Variants in C1orf21 observed in about 807,000 individuals in gnomAD.
C1orf21 encodes the protein chromosome 1 open reading frame 21, also known as uncharacterized protein C1orf21.
In C1orf21, 3 loss-of-function variants were observed where a neutral mutation model predicts 18.7. The ratio of observed to expected loss-of-function variants is 0.16; its 90% confidence interval spans 0.07 to 0.42. C1orf21 has a LOEUF of 0.42. Among genes scored for constraint, C1orf21 ranks in the 10% least tolerant of loss-of-function variants. The pLI, the probability that C1orf21 is intolerant of heterozygous loss-of-function variation, is 0.99. For missense variants in C1orf21, 104 were observed against 143.6 expected, an observed-to-expected ratio of 0.72 and a Z score of 1.41; for synonymous variants, 41 against 46.4, an observed-to-expected ratio of 0.88 and a Z score of 0.47.
chr1:184,423,883 A>ATCCT lies in C1orf21; in HGVS notation c.-125+36518_-125+36519insTTCC, dbSNP rs796890839. ...CGTCCATCCATCCATCCATCCATCC[A>ATCCT]TCCATCCATCCATCCATCAATCTAT... On this transcript the variant is annotated intron_variant, in intron 1 of 5. Transcript: ENST00000235307. Among the ~76,000 whole-genome samples the ATCCT allele has an allele frequency of 2.1e-3, 316 of 151,652 alleles. 2 individuals carry two copies. The highest frequency in any genetic ancestry group is 7.4e-3 in the African/African-American group (304 of 41,318).
intron 1 of C1orf21, among the ~76,000 whole-genome samples, chr1:184,423,018 T>G (rs1571350857): frequency 1.3e-5 from 2 of 152,352 alleles, no homozygotes; most frequent in South Asian, 4.1e-4. Context: ...GCATTATGTC[T>G]TGTGTAAACT....
chr1:184,569,645 C>T (rs896854510), intron 3 of C1orf21, among the ~76,000 whole-genome samples: 34 of 152,230 alleles, frequency 2.2e-4, no homozygotes, highest in African/African-American at 7.5e-4. Flanking sequence ...TCACCTGAGG[C>T]CAGGAGTTCG....
At chr1:184,610,383 T>C (rs905523836) in intron 5 of C1orf21, among the ~76,000 whole-genome samples, 2 of 152,166 alleles carry the variant, frequency 1.3e-5, no homozygotes, top group African/African-American at 4.8e-5. Context: ...CCAGAGGAAG[T>C]TTGCCAAGGC....
At chr1:184,466,553 A>T (rs1657401364) in intron 1 of C1orf21, among the ~76,000 whole-genome samples, 1 of 152,204 alleles carries the variant, frequency 6.6e-6, no homozygotes. Context: ...ATGAGAACTG[A>T]GGTGCCTTTT....
chr1:184,420,327 G>T (rs943133637), intron 1 of C1orf21, among the ~76,000 whole-genome samples: 1 of 152,080 alleles, frequency 6.6e-6, no homozygotes, highest in Non-Finnish European at 1.5e-5. Context: ...CCACATGGCT[G>T]TGTGTTTTTA....
At chr1:184,460,680 TTCTTCTTTC>T (rs1657293677) in intron 1 of C1orf21, among the ~76,000 whole-genome samples, 1 of 109,668 alleles carries the variant, frequency 9.1e-6, no homozygotes, top group South Asian at 3.4e-4. Context: ...CTTCTTCTTC[TTCTTCTTTC>T]TTCTTTCTTT....
In C1orf21 at chr1:184,449,190, C is replaced by A. The variant is rs945157220; in HGVS notation, c.-124-28196C>A. On this transcript the variant is annotated intron_variant, in intron 1 of 5. Coordinates refer to ENST00000235307, the MANE Select transcript of C1orf21 (RefSeq NM_030806.4). ...CATTAGGTGTATCTCCTAATGCTAT[C>A]CCTCCCCCTTCCCCCCACCCTACAA... 4.6e-5 allele frequency among the ~76,000 whole-genome samples: 7 copies of A among 151,366 alleles called. No homozygotes were observed. The East Asian group carries it at 1.4e-3, about 30-fold the overall frequency.
chr1:184,543,404 A>C (rs1658686621), intron 3 of C1orf21, among the ~76,000 whole-genome samples: 1 of 152,162 alleles, frequency 6.6e-6, no homozygotes, highest in African/African-American at 2.4e-5. Context: ...GTAATAATTA[A>C]ATTATATTGT....
intron 1 of C1orf21, among the ~76,000 whole-genome samples, chr1:184,436,570 G>GA (rs565695695): frequency 1.7e-3 from 250 of 151,148 alleles, no homozygotes; most frequent in Middle Eastern, 0.014. Flanking sequence ...CCCTAAAGGA[G>GA]AAAAAAAAAT....
At chr1:184,546,141 A>G in intron 3 of C1orf21, 1 of 152,242 alleles carries the variant, frequency 6.6e-6, no homozygotes, top group East Asian at 1.9e-4. Context: ...CTTCATAAAC[A>G]TGGATTTAGC....
intron 3 of C1orf21, among the ~76,000 whole-genome samples, chr1:184,565,873 T>C (rs1266434161): frequency 6.6e-6 from 1 of 152,242 alleles, no homozygotes; most frequent in African/African-American, 2.4e-5. Flanking sequence ...TATTTATAAA[T>C]CTACAAGTAA....
rs58174774 is a variant in C1orf21 at position 184,548,214 on chromosome 1, A to AACACACACAC, written c.189+40565_189+40574dup. On this transcript the variant is annotated intron_variant, in intron 3 of 5. Coordinates refer to ENST00000235307, the MANE Select transcript of C1orf21 (RefSeq NM_030806.4). ...ATAGTAATCCATATCTCAAATCCCC[A>AACACACACAC]ACACACACACACACACACACACACA... 4.9e-3 allele frequency among the ~76,000 whole-genome samples: 682 copies of AACACACACAC among 140,004 alleles called. 10 individuals are homozygous for AACACACACAC. Among genetic ancestry groups the AACACACACAC allele is most frequent in the African/African-American group, 0.016 (590 of 37,500 alleles). 91.8% of individuals were successfully genotyped at this position (140,004 alleles called of 152,430 possible).
chr1:184,611,881 G>A (rs1659741089), intron 5 of C1orf21, among the ~76,000 whole-genome samples: 1 of 152,130 alleles, frequency 6.6e-6, no homozygotes, highest in Non-Finnish European at 1.5e-5. Flanking sequence ...GGAGGATGTG[G>A]AGTAAAAAAC....
At chr1:184,547,916 A>G (rs1658749051) in intron 3 of C1orf21, among the ~76,000 whole-genome samples, 1 of 152,180 alleles carries the variant, frequency 6.6e-6, no homozygotes, top group Non-Finnish European at 1.5e-5. Context: ...CAGACAAGTT[A>G]TACCATTGGA....
intron 2 of C1orf21, among the ~76,000 whole-genome samples, chr1:184,500,746 T>C (rs1657963045): frequency 6.6e-6 from 1 of 152,178 alleles, no homozygotes; most frequent in Non-Finnish European, 1.5e-5. Context: ...GGGATCATGA[T>C]TCAGTGGCAT....
chr1:184,574,474 G>A (rs555713154), intron 3 of C1orf21, among the ~76,000 whole-genome samples: 2 of 152,198 alleles, frequency 1.3e-5, no homozygotes, highest in South Asian at 2.1e-4. Flanking sequence ...AAAGGATTAC[G>A]TATTTATGTT....
At position 184,572,950 on chromosome 1, in the gene C1orf21, C is replaced by CA. The variant is rs35275397; in HGVS notation, c.190-17772dup. The stretch of plus-strand genomic sequence containing the variant: ...TGGGAGACAGAGCGAGACTCCTTCT[C>CA]AAAAAAAAAAAAAAAAATACACTTC... On this transcript the variant is annotated intron_variant, in intron 3 of 5. Transcript: ENST00000235307. 9.9e-3 allele frequency among the ~76,000 whole-genome samples: 1,306 copies of CA among 131,840 alleles called. 7 individuals carry two copies. Among genetic ancestry groups the CA allele is most frequent in the Middle Eastern group, 0.026 (6 of 234 alleles). The allele number at this position is 131,840 out of a possible 152,430, so 86.5% of individuals were successfully genotyped here.
At chr1:184,604,620 A>G (rs1182811214) in intron 5 of C1orf21, among the ~76,000 whole-genome samples, 1 of 152,178 alleles carries the variant, frequency 6.6e-6, no homozygotes, top group Non-Finnish European at 1.5e-5. Flanking sequence ...TATAATTACA[A>G]CAGGCAAGGA....
intron 3 of C1orf21, among the ~76,000 whole-genome samples, chr1:184,576,587 G>C (rs780361020): frequency 2.6e-5 from 4 of 152,174 alleles, no homozygotes; most frequent in African/African-American, 4.8e-5. Flanking sequence ...TATTGTCCAG[G>C]GTCCTCTCAG....
Sources: allele counts gnomAD v4.1 joint callset (sites outside exome capture counted in the v4.1 genomes callset), GRCh38; gene constraint gnomAD v4.1.1; transcripts MANE v1.5; gene names NCBI Gene and HGNC (gene_info 2026-07-23, HGNC 2026-07-21).